Variants in SGCD observed in about 807,000 individuals in gnomAD.
SGCD encodes sarcoglycan delta.
In SGCD, 18 loss-of-function variants were observed where a neutral mutation model predicts 36.6. The observed-to-expected ratio is 0.49, with a 90% CI of 0.34 to 0.73. The LOEUF (loss-of-function observed/expected upper bound fraction) is 0.73. SGCD is among the 30% of genes least tolerant of loss of function. SGCD has a pLI of 0.01. For synonymous variants in SGCD, 133 were observed against 130.6 expected, an observed-to-expected ratio of 1.02 and a Z score of -0.12; for missense variants, 387 against 346.7, an observed-to-expected ratio of 1.12 and a Z score of -0.92.
Position 155,952,847 on chromosome 5 carries a change from G to A in SGCD, c.-282+82423G>A, listed in dbSNP as rs371708366. Among the ~76,000 whole-genome samples the A allele has an allele frequency of 5.3e-5, 8 of 152,304 alleles. No homozygotes were observed. In the East Asian group the frequency reaches 9.7e-4, roughly 18 times the overall value. ...AAAGTGTAATGAAATGTGCCCAGAT[G>A]AAAAATGGGCCCTGAGGATGGCTGG... On this transcript the variant is annotated intron_variant, in intron 1 of 9. Coordinates refer to the SGCD transcript ENST00000517913.
chr5:156,018,930 A>G (rs1366006158), intron 1 of SGCD, among the ~76,000 whole-genome samples: 1 of 152,206 alleles, frequency 6.6e-6, no homozygotes, highest in East Asian at 1.9e-4. Flanking sequence ...TAACCATGTA[A>G]TTTTATTTAC....
intron 1 of SGCD, among the ~76,000 whole-genome samples, chr5:156,040,539 T>G (rs1341906309): frequency 1.3e-5 from 2 of 152,156 alleles, no homozygotes; most frequent in Non-Finnish European, 2.9e-5. Flanking sequence ...ACTAGCACAC[T>G]GCATACCAAG....
intron 1 of SGCD, among the ~76,000 whole-genome samples, chr5:155,960,363 G>A (rs1757767763): frequency 6.6e-6 from 1 of 152,090 alleles, no homozygotes; most frequent in South Asian, 2.1e-4. Flanking sequence ...CACATCATGA[G>A]TAGGAGGACG....
intron 3 of SGCD, among the ~76,000 whole-genome samples, chr5:156,206,713 T>A (rs1764288664): frequency 6.6e-6 from 1 of 152,102 alleles, no homozygotes; most frequent in South Asian, 2.1e-4. Flanking sequence ...TACTATAAGT[T>A]TGGCAGTGAA....
At chr5:156,317,876 T>C (rs1188723833) in intron 3 of SGCD, among the ~76,000 whole-genome samples, 14 of 152,206 alleles carry the variant, frequency 9.2e-5, no homozygotes, top group Non-Finnish European at 5.9e-5. Flanking sequence ...TCAACACCCA[T>C]GATCTCTTAT....
intron 3 of SGCD, among the ~76,000 whole-genome samples, chr5:156,494,096 A>G (rs1756066794): frequency 6.6e-6 from 1 of 152,134 alleles, no homozygotes; most frequent in South Asian, 2.1e-4. Flanking sequence ...ATGGGAATAA[A>G]TGTGGGAGCT....
intron 3 of SGCD, among the ~76,000 whole-genome samples, chr5:156,305,164 G>A (rs1201178631): frequency 6.6e-6 from 1 of 152,168 alleles, no homozygotes; most frequent in Non-Finnish European, 1.5e-5. Context: ...TAATCCCCAA[G>A]ACAATGGGGA....
chr5:156,291,018 T>G (rs1214144010), intron 3 of SGCD, among the ~76,000 whole-genome samples: 2 of 152,114 alleles, frequency 1.3e-5, no homozygotes, highest in African/African-American at 2.4e-5. Context: ...TGCTCAGGTC[T>G]TAGAGCCGGC....
At chr5:155,970,146 A>T (rs1757980721) in intron 1 of SGCD, among the ~76,000 whole-genome samples, 1 of 152,018 alleles carries the variant, frequency 6.6e-6, no homozygotes, top group South Asian at 2.1e-4. Flanking sequence ...GGTGTGAGAG[A>T]TCCCCTTTAC....
chr5:156,595,154 A>G, intron 6 of SGCD, 103 bp downstream of exon 6: 1 of 1,329,658 alleles, frequency 7.5e-7, no homozygotes, highest in Non-Finnish European at 1.0e-6. Flanking sequence ...CAAAATTCAT[A>G]TATCGAAATC....
chr5:156,519,079 A>G (rs966645618), intron 4 of SGCD, among the ~76,000 whole-genome samples: 2 of 152,126 alleles, frequency 1.3e-5, no homozygotes, highest in Non-Finnish European at 2.9e-5. Flanking sequence ...TTGAAAAAAA[A>G]ATTAATAAAA....
chr5:156,542,777 A>C (rs1758402353), intron 4 of SGCD, among the ~76,000 whole-genome samples: 1 of 152,158 alleles, frequency 6.6e-6, no homozygotes, highest in African/African-American at 2.4e-5. Context: ...CTTAGCAATA[A>C]CCACATCCTT....
In SGCD at chr5:156,762,115, G is replaced by A. The variant is rs201202114; in HGVS notation, c.*2725G>A. ...TACCTGAATTCTTGGGGGCCGGCGG[G>A]GAGCTTTTACATTAAAAATCTACTA... is the stretch of plus-strand genomic sequence containing the variant. On this transcript the variant is annotated 3_prime_UTR_variant, in exon 9 of 9. Transcript: ENST00000337851. The A allele has an allele frequency of 3.2e-4, 48 of 152,148 alleles. No individual in the cohort carries two copies. The highest frequency in any genetic ancestry group is 1.1e-3 in the African/African-American group (46 of 41,334). The allele number at this position is 152,148 out of a possible 1,614,324, so 9.4% of individuals were successfully genotyped here.
At chr5:155,911,640 C>G (rs1756632081) in intron 1 of SGCD, among the ~76,000 whole-genome samples, 1 of 151,998 alleles carries the variant, frequency 6.6e-6, no homozygotes, top group East Asian at 1.9e-4. Context: ...GCTCTGATAT[C>G]CTCTTCTTTT....
intron 7 of SGCD, among the ~76,000 whole-genome samples, chr5:156,687,464 T>G (rs1204664380): frequency 1.3e-5 from 2 of 152,182 alleles, no homozygotes; most frequent in Non-Finnish European, 2.9e-5. Flanking sequence ...GGTGAGCTAT[T>G]TACTGAAGGC....
the SGCD span, among the ~76,000 whole-genome samples, chr5:155,822,739 C>T: frequency 1.3e-5 from 2 of 152,174 alleles, no homozygotes; most frequent in African/African-American, 2.4e-5. Context: ...TAAGGAAAAG[C>T]ATCGAGCCCA....
chr5:156,031,041 C>T, intron 1 of SGCD, among the ~76,000 whole-genome samples: 1 of 152,132 alleles, frequency 6.6e-6, no homozygotes, highest in Non-Finnish European at 1.5e-5. Context: ...TACTCAGTAG[C>T]CAGAGACAAG....
intron 4 of SGCD, among the ~76,000 whole-genome samples, chr5:156,568,737 A>C (rs1184129224): frequency 6.6e-6 from 1 of 152,238 alleles, no homozygotes. Flanking sequence ...TGAATGTCAG[A>C]GGCAAGAATC....
chr5:156,698,627 C>G (rs1472196223), intron 7 of SGCD, among the ~76,000 whole-genome samples: 1 of 152,112 alleles, frequency 6.6e-6, no homozygotes, highest in East Asian at 1.9e-4. Flanking sequence ...ACTGATTTCC[C>G]TGTTGGAGGA....
Sources: allele counts gnomAD v4.1 joint callset (sites outside exome capture counted in the v4.1 genomes callset), GRCh38; gene constraint gnomAD v4.1.1; transcripts MANE v1.5; gene names NCBI Gene and HGNC (gene_info 2026-07-23, HGNC 2026-07-21).